The following RAD51D variants were observed in gnomAD, a reference collection of about 807,000 sequenced individuals.
RAD51D encodes DNA repair protein RAD51 homolog 4.
A neutral mutation model predicts 44.1 loss-of-function variants in RAD51D; 38 were observed. The observed-to-expected ratio is 0.86, with a 90% CI of 0.67 to 1.13. The LOEUF (loss-of-function observed/expected upper bound fraction) is 1.13. Among genes scored for constraint, RAD51D ranks in the 50% most tolerant of loss-of-function variants. RAD51D has a pLI of 0.00. For missense variants in RAD51D, 390 were observed against 414.0 expected (o/e 0.94, Z 0.50); for synonymous variants, 141 against 166.6 (o/e 0.85, Z 1.18).
intron 3 of RAD51D, among the ~76,000 whole-genome samples, chr17:35,114,806 G>T (rs540694521): frequency 6.6e-6 from 1 of 152,210 alleles, no homozygotes; most frequent in Non-Finnish European, 1.5e-5. Context: ...GAGTCCTCAG[G>T]TGACTCCAAT....
In RAD51D at chr17:35,100,579, G is replaced by A. The variant is rs1200159186; in HGVS notation, c.*374C>T. The A allele has an allele frequency of 1.8e-6, 1 of 550,954 alleles. No individual in the cohort carries two copies. The highest frequency in any genetic ancestry group is 2.2e-5 in the Admixed American group (1 of 45,236). 34.1% of individuals were successfully genotyped at this position (550,954 alleles called of 1,614,324 possible). A position where few individuals can be genotyped will look rare whatever the true frequency, so the allele number is the denominator to read the frequency against. ...GCAAGTTAGAGGCTTTCCCGGCTTG[G>A]CCACTGCGCTAGGAGGGAGCACAGG... On this transcript the variant is annotated 3_prime_UTR_variant, in exon 10 of 10. Transcript: ENST00000345365.
chr17:35,112,064 T>C (rs1555569274), intron 3 of RAD51D, among the ~76,000 whole-genome samples: 7 of 152,164 alleles, frequency 4.6e-5, no homozygotes, highest in Non-Finnish European at 4.4e-5. Context: ...GGCATTGTGT[T>C]TTTGTTTGTT....
intron 2 of RAD51D, 152 bp from the exon 3 acceptor site, chr17:35,118,771 C>T (rs2091781356): frequency 1.4e-6 from 1 of 728,402 alleles, no homozygotes; most frequent in Non-Finnish European, 2.4e-6. Flanking sequence ...CAGACAGGGT[C>T]TCACTCTGTC....
rs1483059238 is a variant in RAD51D, at chr17:35,115,949, G to GA, written c.263+2551dup. Among the ~76,000 whole-genome samples the GA allele has an allele frequency of 3.5e-3, 199 of 57,198 alleles. 2 individuals carry two copies. The highest frequency in any genetic ancestry group is 0.012 in the South Asian group (18 of 1,516). 37.5% of individuals were successfully genotyped at this position (57,198 alleles called of 152,430 possible). A position where few individuals can be genotyped will look rare whatever the true frequency, so the allele number is the denominator to read the frequency against. ...GAAGGAAGGAAGGAAGAAAGAAAAG[G>GA]AAGAAAGGAAAGAAAGAAAGAAAGA... On this transcript the variant is annotated intron_variant, in intron 3 of 9. Coordinates refer to ENST00000345365, the MANE Select transcript of RAD51D (RefSeq NM_002878.4).
intron 8 of RAD51D, among the ~76,000 whole-genome samples, chr17:35,102,263 G>A (rs902365155): frequency 5.9e-5 from 9 of 151,284 alleles, no homozygotes; most frequent in African/African-American, 1.9e-4. Context: ...CTGCAGCCTC[G>A]ATCTCCCAGG....
At chr17:35,101,949 G>A (rs1034619357) in intron 8 of RAD51D, among the ~76,000 whole-genome samples, 7 of 152,116 alleles carry the variant, frequency 4.6e-5, no homozygotes, top group African/African-American at 1.7e-4. Context: ...TTTACAAGGT[G>A]AAGAGTTATA....
chr17:35,100,138 C>T lies in RAD51D; in HGVS notation c.*815G>A, dbSNP rs1163269756. 1.9e-6 allele frequency: 1 copy of T among 532,958 alleles called. No individual in the cohort carries two copies. Among genetic ancestry groups the T allele is most frequent in the East Asian group, 3.9e-5 (1 of 25,502 alleles). The allele number at this position is 532,958 out of a possible 1,614,324, so 33.0% of individuals were successfully genotyped here. A position where few individuals can be genotyped will look rare whatever the true frequency, so the allele number is the denominator to read the frequency against. ...TGGTTATGCTGTACTGTGGAGGGGC[C>T]CCACAGGGCACCATGCATATTAAAT... On this transcript the variant is annotated 3_prime_UTR_variant, in exon 10 of 10. Transcript: ENST00000345365.
intron 8 of RAD51D, among the ~76,000 whole-genome samples, chr17:35,102,040 T>C (rs920351853): frequency 2.6e-5 from 4 of 152,194 alleles, no homozygotes; most frequent in Admixed American, 6.5e-5. Flanking sequence ...GTGGTTAAGA[T>C]AGTAAATTTT....
chr17:35,102,794 T>A (rs918004819), intron 8 of RAD51D, among the ~76,000 whole-genome samples: 9 of 152,164 alleles, frequency 5.9e-5, no homozygotes, highest in Admixed American at 6.6e-5. Flanking sequence ...ATGAGAAGCA[T>A]GCAGACTTTA....
intron 3 of RAD51D, chr17:35,116,802 T>C: frequency 7.4e-7 from 1 of 1,355,296 alleles, no homozygotes; most frequent in South Asian, 1.2e-5. Context: ...CCTAGAATGA[T>C]GATTTAAACA....
chr17:35,107,927 T>C (rs934336571), intron 3 of RAD51D, among the ~76,000 whole-genome samples: 1 of 151,370 alleles, frequency 6.6e-6, no homozygotes, highest in South Asian at 2.1e-4. Flanking sequence ...ACTAGTTTTT[T>C]TAATTAGAGA....
chr17:35,100,861 A>C lies in RAD51D; in HGVS notation c.*92T>G. ...CAGCCTGAGAACGTCTGTAGTCACCAGTGCCAGGTGGCAGTAAACAGCAGG... is the reference window on the plus strand; with the variant it reads ...CAGCCTGAGAACGTCTGTAGTCACCCGTGCCAGGTGGCAGTAAACAGCAGG... On this transcript the variant is annotated 3_prime_UTR_variant, in exon 10 of 10. Coordinates refer to ENST00000345365, the MANE Select transcript of RAD51D (RefSeq NM_002878.4). 9.5e-7 allele frequency: 1 copy of C among 1,054,160 alleles called. No individual in the cohort carries two copies. Among genetic ancestry groups the C allele is most frequent in the East Asian group, 2.4e-5 (1 of 42,208 alleles). 65.3% of individuals were successfully genotyped at this position (1,054,160 alleles called of 1,614,324 possible).
rs1039053535 is a variant in RAD51D, at chr17:35,093,050, A to C, written c.*7903T>G. ...GCTAAGCATGGGGCTGTGTGACTGCACTGGTCATACCACCATGTAGCTGGG... is the reference window on the plus strand; with the variant it reads ...GCTAAGCATGGGGCTGTGTGACTGCCCTGGTCATACCACCATGTAGCTGGG... On this transcript the variant is annotated 3_prime_UTR_variant, in exon 10 of 10. Coordinates refer to ENST00000345365, the MANE Select transcript of RAD51D (RefSeq NM_002878.4). 8.5e-5 allele frequency: 13 copies of C among 152,238 alleles called. No individual in the cohort carries two copies. Among genetic ancestry groups the C allele is most frequent in the Non-Finnish European group, 1.6e-4 (11 of 68,056 alleles). The allele number at this position is 152,238 out of a possible 1,614,324, so 9.4% of individuals were successfully genotyped here.
rs1391871647 is a variant in RAD51D at position 35,116,923 on chromosome 17, C to T, written c.263+1578G>A. On this transcript the variant is annotated intron_variant, in intron 3 of 9. Coordinates refer to ENST00000345365, the MANE Select transcript of RAD51D (RefSeq NM_002878.4). ...TTCAGCGAAAGTCCATCTGTTCCTC[C>T]ATGCCCAAGTCCTGCCTTCTTCAGA... is the stretch of plus-strand genomic sequence containing the variant. 6.2e-7 allele frequency: 1 copy of T among 1,610,904 alleles called. No individual in the cohort carries two copies. The highest frequency in any genetic ancestry group is 1.3e-5 in the African/African-American group (1 of 74,830).
intron 3 of RAD51D, chr17:35,115,199 G>A (rs1174027070): frequency 4.1e-6 from 2 of 489,792 alleles, no homozygotes; most frequent in Non-Finnish European, 8.2e-6. Context: ...GGTGATTTCT[G>A]GGACTTATCC....
Position 35,107,103 on chromosome 17 carries a change from G to A in RAD51D, c.365C>T (p.Ala122Val), listed in dbSNP as rs1489866177. The change falls in exon 5 of 10, where the codon GCA (alanine) becomes GTA (valine). Residue 122 changes from alanine to valine, a missense_variant. Coordinates refer to ENST00000345365, the MANE Select transcript of RAD51D (RefSeq NM_002878.4). ...TTGCTGCAGGCCATGGGCCACATTT[G>A]CTGCCATACAGAGACATACCTGGGG... ...GKTQVCLCMA[A>V]NVAHGLQQNV... 1.9e-6 allele frequency: 3 copies of A among 1,614,054 alleles called. No individual in the cohort carries two copies. Among genetic ancestry groups the A allele is most frequent in the Non-Finnish European group, 2.5e-6 (3 of 1,180,008 alleles).
chr17:35,119,037 A>T, intron 2 of RAD51D, 74 bp downstream of exon 2: 1 of 1,431,286 alleles, frequency 7.0e-7, no homozygotes, highest in Non-Finnish European at 9.9e-7. Context: ...GGCATGAGCC[A>T]CCGCGCCCAG....
rs577014070 is a variant in RAD51D at position 35,098,781 on chromosome 17, G to A, written c.*2172C>T. 1 of 152,128 alleles carries A rather than the reference G, an allele frequency of 6.6e-6. No individual in the cohort carries two copies. The highest frequency in any genetic ancestry group is 1.9e-4 in the East Asian group (1 of 5,174). 9.4% of individuals were successfully genotyped at this position (152,128 alleles called of 1,614,324 possible). A position where few individuals can be genotyped will look rare whatever the true frequency, so the allele number is the denominator to read the frequency against. On this transcript the variant is annotated 3_prime_UTR_variant, in exon 10 of 10. Transcript: ENST00000345365. ...AGATCCCACCTCCATTCTGCCACTA[G>A]GACTGTCAGTCATCCTTTTTGAGCC...
Position 35,103,455 on chromosome 17 carries a change from T to C in RAD51D, c.666A>G (p.Glu222=), listed in dbSNP as rs114012742. Residue 222 remains glutamate, a splice_region_variant and synonymous_variant, in exon 7 of 10, where the codon GAA becomes GAG. Coordinates refer to ENST00000345365, the MANE Select transcript of RAD51D (RefSeq NM_002878.4). The surrounding 1 kb of genome is among the most constrained non-coding windows in gnomAD (Gnocchi z 4.1). ...CCCAGGCTCTGCCACATCACTCACC[T>C]TCCCTCTGCTGACCTCCCAGAAGTG... ...VSPLLGGQQR[E]GLALMMQLAR... The C allele has an allele frequency of 2.2e-4, 356 of 1,614,036 alleles. No homozygotes were observed. The African/African-American group carries it at 4.4e-3, about 20-fold the overall frequency.
Sources: allele counts gnomAD v4.1 joint callset (sites outside exome capture counted in the v4.1 genomes callset), GRCh38; gene constraint gnomAD v4.1.1; non-coding constraint Gnocchi (gnomAD v3.1); transcripts MANE v1.5; gene names NCBI Gene and HGNC (gene_info 2026-07-23, HGNC 2026-07-21).